Variants in GRIN2B observed in about 807,000 individuals in gnomAD.
GRIN2B encodes glutamate receptor ionotropic, NMDA 2B.
Under a neutral mutation model 114.5 loss-of-function variants are expected in GRIN2B, and 5 were observed. The observed-to-expected ratio is 0.04, with a 90% CI of 0.02 to 0.09. The LOEUF (loss-of-function observed/expected upper bound fraction) is 0.09. GRIN2B is among the 10% of genes least tolerant of loss of function. The probability of loss-of-function intolerance (pLI) is 1.00; values close to 1 mark genes in which losing one functional copy is unlikely to be tolerated. For missense variants in GRIN2B, 1,108 were observed against 1,943.5 expected (o/e 0.57, Z 8.08); for synonymous variants, 787 against 745.1 (o/e 1.06, Z -0.92).
intron 10 of GRIN2B, 50 bp from the exon 11 acceptor site, chr12:13,572,014 G>T: frequency 6.9e-7 from 1 of 1,442,014 alleles, no homozygotes; most frequent in Non-Finnish European, 9.7e-7. Flanking sequence ...GAGGGAGAGA[G>T]AGAGAGAAAA....
chr12:13,776,032 C>T (rs1269198818), intron 3 of GRIN2B, among the ~76,000 whole-genome samples: 11 of 152,108 alleles, frequency 7.2e-5, no homozygotes, highest in African/African-American at 2.2e-4. Context: ...AACCTAAATG[C>T]TCATCAATGA....
chr12:13,564,227 T>C lies in GRIN2B; in HGVS notation c.3011A>G (p.Tyr1004Cys). ...IGSASSIDGL[Y>C]DCDNPPFTTQ... is the part of the protein sequence containing the mutation. Reference sequence around the variant, plus strand: ...GGTGAAGGGTGGGTTGTCACAGTCGTAGAGCCCATCGATGGAGCTGGCACT... The same window carrying C: ...GGTGAAGGGTGGGTTGTCACAGTCGCAGAGCCCATCGATGGAGCTGGCACT... The change falls in exon 14 of 14, where the codon TAC becomes TGC. Residue 1004 changes from tyrosine (Y) to cysteine (C), a missense_variant. By Grantham distance (194) the Tyr-to-Cys change is radical (BLOSUM62 -2). This residue lies in a region of GRIN2B where 140 missense variants were observed against 187.5 expected (regional missense o/e 0.75). Transcript: ENST00000609686. This position sits in a 1 kb window ranked among gnomAD's most constrained non-coding sequence, Gnocchi z 4.8. 6.2e-7 allele frequency: 1 copy of C among 1,614,156 alleles called. No individual in the cohort carries two copies. The highest frequency in any genetic ancestry group is 8.5e-7 in the Non-Finnish European group (1 of 1,180,034).
At position 13,583,770 on chromosome 12, in the gene GRIN2B, G is replaced by A. The variant is rs1805487; in HGVS notation, c.2011-11806C>T. Among the ~76,000 whole-genome samples, 628 of 152,224 alleles carry A rather than the reference G, an allele frequency of 4.1e-3. 3 individuals carry two copies. Among genetic ancestry groups the A allele is most frequent in the African/African-American group, 0.014 (600 of 41,546 alleles). On this transcript the variant is annotated intron_variant, in intron 10 of 13. Coordinates refer to ENST00000609686, the MANE Select transcript of GRIN2B (RefSeq NM_000834.5). ...AGCATGAGAAAAGAAGCACTGGGAC[G>A]TGAGCATGGCATCTGCACTGACGTT...
intron 2 of GRIN2B, among the ~76,000 whole-genome samples, chr12:13,907,719 T>G (rs1421951978): frequency 6.6e-6 from 1 of 152,200 alleles, no homozygotes; most frequent in Non-Finnish European, 1.5e-5. Flanking sequence ...GTTATACATA[T>G]GAAAAAATTC....
At position 13,665,818 on chromosome 12, in the gene GRIN2B, A is replaced by G. The variant is rs560737407; in HGVS notation, c.1125+9927T>C. Among the ~76,000 whole-genome samples the G allele has an allele frequency of 5.1e-4, 77 of 152,266 alleles. 1 individual carries two copies. In the Middle Eastern group the frequency reaches 0.01, roughly 20 times the overall value. Reference sequence around the variant, plus strand: ...TCCAGGCTAGACTGTCTGATCATTTATATGTCTTTCCCAGATCCTATAGGG... The same window carrying G: ...TCCAGGCTAGACTGTCTGATCATTTGTATGTCTTTCCCAGATCCTATAGGG... On this transcript the variant is annotated intron_variant, in intron 5 of 13. Coordinates refer to ENST00000609686, the MANE Select transcript of GRIN2B (RefSeq NM_000834.5).
chr12:13,594,260 A>C (rs2136445493), intron 10 of GRIN2B, among the ~76,000 whole-genome samples: 1 of 152,338 alleles, frequency 6.6e-6, no homozygotes, highest in East Asian at 1.9e-4. Flanking sequence ...AATAGCAAAG[A>C]CTTGGAACTG....
intron 2 of GRIN2B, among the ~76,000 whole-genome samples, chr12:13,902,645 T>C (rs915394681): frequency 1.3e-4 from 20 of 152,066 alleles, no homozygotes; most frequent in Non-Finnish European, 2.9e-4. Context: ...ACCCCGTCTC[T>C]ACTGAAAATA....
Position 13,563,186 on chromosome 12 carries a change from T to C in GRIN2B, c.4052A>G (p.Asn1351Ser). The stretch of plus-strand genomic sequence containing the variant: ...GGCAGTGGGCACTGAGGACTTGTTG[T>C]TGGCAAAGGTGCTCTCGCCAGCTGA... Reference protein sequence around the residue: ...EMSAGESTFANNKSSVPTAGH... With the variant: ...EMSAGESTFASNKSSVPTAGH... Residue 1351 changes from asparagine (N) to serine (S), a missense_variant, in exon 14 of 14, where the codon AAC becomes AGC. Around this residue, in one of 19 missense-constraint regions of GRIN2B, gnomAD observed 478 missense variants for 506.0 expected, o/e 0.94. Coordinates refer to ENST00000609686, the MANE Select transcript of GRIN2B (RefSeq NM_000834.5). 6.2e-7 allele frequency: 1 copy of C among 1,614,192 alleles called. No homozygotes were observed. The highest frequency in any genetic ancestry group is 8.5e-7 in the Non-Finnish European group (1 of 1,180,038).
chr12:13,937,887 G>A (rs1470223719), intron 2 of GRIN2B, among the ~76,000 whole-genome samples: 1 of 152,126 alleles, frequency 6.6e-6, no homozygotes, highest in Admixed American at 6.6e-5. Context: ...GAAGTGGGAA[G>A]TGAGAATCAA....
intron 4 of GRIN2B, among the ~76,000 whole-genome samples, chr12:13,745,846 G>A (rs117311875): frequency 0.027 from 4,070 of 152,140 alleles, 69 homozygotes; most frequent in Middle Eastern, 0.048. Context: ...GGATCCCTGG[G>A]CCTCGGGTTC....
chr12:13,779,418 G>A (rs560192894), intron 3 of GRIN2B, among the ~76,000 whole-genome samples: 232 of 152,196 alleles, frequency 1.5e-3, no homozygotes, highest in African/African-American at 5.3e-3. Context: ...CAATCCTTAA[G>A]AATTAAGCTC....
intron 3 of GRIN2B, among the ~76,000 whole-genome samples, chr12:13,846,600 G>C (rs917634124): frequency 1.3e-5 from 2 of 152,172 alleles, no homozygotes; most frequent in Admixed American, 6.5e-5. Flanking sequence ...TAGGATCTAT[G>C]TGAAAAAGCA....
intron 2 of GRIN2B, among the ~76,000 whole-genome samples, chr12:13,921,006 A>G (rs1053518636): frequency 6.6e-6 from 1 of 152,218 alleles, no homozygotes; most frequent in Non-Finnish European, 1.5e-5. Flanking sequence ...CACAGTACGT[A>G]TTCTTGAGCC....
At chr12:13,665,459 T>C (rs948382585) in intron 5 of GRIN2B, among the ~76,000 whole-genome samples, 3 of 152,128 alleles carry the variant, frequency 2.0e-5, no homozygotes, top group African/African-American at 7.2e-5. Flanking sequence ...CTCTTGTCTA[T>C]GAATTTATCC....
intron 3 of GRIN2B, among the ~76,000 whole-genome samples, chr12:13,756,692 T>A (rs1863582568): frequency 6.6e-6 from 1 of 152,210 alleles, no homozygotes; most frequent in African/African-American, 2.4e-5. Flanking sequence ...TATTCTGTGA[T>A]AAATGAACAG....
chr12:13,827,552 T>C (rs182979861), intron 3 of GRIN2B, among the ~76,000 whole-genome samples: 11 of 152,254 alleles, frequency 7.2e-5, no homozygotes, highest in African/African-American at 2.6e-4. Context: ...ATTAATCTCA[T>C]CCAGTTCATT....
chr12:13,580,384 T>C (rs1334200230), intron 10 of GRIN2B, among the ~76,000 whole-genome samples: 1 of 152,228 alleles, frequency 6.6e-6, no homozygotes, highest in Non-Finnish European at 1.5e-5. Flanking sequence ...TTGCACATCC[T>C]ATTTGCAGGG....
intron 10 of GRIN2B, among the ~76,000 whole-genome samples, chr12:13,581,268 G>A (rs1043993726): frequency 3.3e-5 from 5 of 152,162 alleles, no homozygotes; most frequent in African/African-American, 7.2e-5. Context: ...GAACTATCAA[G>A]CAAGTACAGA....
At chr12:13,870,023 G>T (rs1200936121) in intron 2 of GRIN2B, among the ~76,000 whole-genome samples, 1 of 152,190 alleles carries the variant, frequency 6.6e-6, no homozygotes, top group East Asian at 1.9e-4. Flanking sequence ...TGTTCAAGGA[G>T]CCTAGCTATT....
Sources: allele counts gnomAD v4.1 joint callset (sites outside exome capture counted in the v4.1 genomes callset), GRCh38; gene constraint gnomAD v4.1.1; regional missense constraint gnomAD v4.1.1; non-coding constraint Gnocchi (gnomAD v3.1); transcripts MANE v1.5; gene names NCBI Gene and HGNC (gene_info 2026-07-23, HGNC 2026-07-21).